The following ADGRL4 variants were observed in gnomAD, a reference collection of about 807,000 sequenced individuals.
The protein encoded by ADGRL4 is EGF, latrophilin and seven transmembrane domain containing 1.
In ADGRL4, 90 loss-of-function variants were observed where a neutral mutation model predicts 74.8. The ratio of observed to expected loss-of-function variants is 1.20; its 90% CI spans 1.02 to 1.43. ADGRL4 has a LOEUF of 1.43. ADGRL4 is among the 40% of genes most tolerant of loss of function. ADGRL4 has a pLI of 0.00. For synonymous variants in ADGRL4, 311 were observed against 279.2 expected, an observed-to-expected ratio of 1.11 and a Z score of -1.14; for missense variants, 881 against 814.3, an observed-to-expected ratio of 1.08 and a Z score of -1.00.
chr1:78,901,069 T>C (rs1648505555), intron 12 of ADGRL4, among the ~76,000 whole-genome samples: 1 of 152,142 alleles, frequency 6.6e-6, no homozygotes, highest in African/African-American at 2.4e-5. Flanking sequence ...TCACATAGGA[T>C]TGCCAGATGT....
At chr1:78,929,286 TGGGA>T (rs975565780) in intron 7 of ADGRL4, among the ~76,000 whole-genome samples, 1 of 151,128 alleles carries the variant, frequency 6.6e-6, no homozygotes, top group Admixed American at 6.6e-5. Context: ...GAGGCTGAGG[TGGGA>T]GGATCACTTG....
intron 2 of ADGRL4, among the ~76,000 whole-genome samples, chr1:79,003,636 G>C (rs367957571): frequency 2.0e-5 from 3 of 151,906 alleles, no homozygotes; most frequent in Non-Finnish European, 1.5e-5. Context: ...GTGATTATAA[G>C]CTGGTTGGCT....
At chr1:78,901,279 C>T (rs2100655026) in intron 12 of ADGRL4, among the ~76,000 whole-genome samples, 1 of 152,296 alleles carries the variant, frequency 6.6e-6, no homozygotes, top group South Asian at 2.1e-4. Flanking sequence ...AATCTGAGGA[C>T]ATTGGCTTCT....
At chr1:78,935,583 CA>C (rs1196253084) in intron 7 of ADGRL4, among the ~76,000 whole-genome samples, 4 of 151,258 alleles carry the variant, frequency 2.6e-5, no homozygotes, top group Admixed American at 1.3e-4. Flanking sequence ...CTTCCTCACA[CA>C]ATCACAAATT....
intron 2 of ADGRL4, among the ~76,000 whole-genome samples, chr1:78,978,873 T>C (rs968175646): frequency 3.3e-5 from 5 of 152,014 alleles, no homozygotes; most frequent in Admixed American, 6.6e-5. Context: ...TCTTTTTTTT[T>C]CTTCTTTGTC....
intron 10 of ADGRL4, among the ~76,000 whole-genome samples, chr1:78,919,053 A>G (rs1475349677): frequency 6.6e-6 from 1 of 151,980 alleles, no homozygotes; most frequent in Admixed American, 6.6e-5. Context: ...AAAATTGAAA[A>G]GTGTTACGAA....
At chr1:78,972,980 A>G (rs979816078) in intron 2 of ADGRL4, among the ~76,000 whole-genome samples, 3 of 152,178 alleles carry the variant, frequency 2.0e-5, no homozygotes, top group Non-Finnish European at 2.9e-5. Context: ...TCGGTTGCAA[A>G]GCACATACTT....
chr1:78,906,986 A>G (rs116830219), intron 12 of ADGRL4, among the ~76,000 whole-genome samples: 162 of 152,112 alleles, frequency 1.1e-3, no homozygotes, highest in Non-Finnish European at 2.2e-3. Context: ...TCTGGAGTAG[A>G]TACCATTATC....
intron 2 of ADGRL4, among the ~76,000 whole-genome samples, chr1:78,995,800 T>C (rs1429406056): frequency 1.3e-5 from 2 of 152,218 alleles, no homozygotes; most frequent in East Asian, 3.8e-4. Flanking sequence ...GCTTGGATGC[T>C]CTTTGTGACT....
intron 2 of ADGRL4, among the ~76,000 whole-genome samples, chr1:79,003,767 G>C (rs895192312): frequency 6.6e-6 from 1 of 151,978 alleles, no homozygotes; most frequent in Non-Finnish European, 1.5e-5. Context: ...AATTTGTAAT[G>C]ATTAGTGGAA....
chr1:78,930,858 A>G (rs79592647), intron 7 of ADGRL4, among the ~76,000 whole-genome samples: 13,667 of 151,396 alleles, frequency 0.09, 1,009 homozygotes, highest in East Asian at 0.33. Flanking sequence ...CATCATCCAT[A>G]TAAGAAGGAT....
chr1:79,001,220 A>G (rs1650836669), intron 2 of ADGRL4, among the ~76,000 whole-genome samples: 1 of 68,498 alleles, frequency 1.5e-5, no homozygotes, highest in African/African-American at 5.9e-5. Context: ...GGAGGAAGGG[A>G]GAGAGGGAGG....
intron 3 of ADGRL4, among the ~76,000 whole-genome samples, chr1:78,941,419 A>G (rs1297297896): frequency 6.6e-6 from 1 of 152,240 alleles, no homozygotes; most frequent in African/African-American, 2.4e-5. Flanking sequence ...TAAACCCATG[A>G]AGTATCATAA....
chr1:78,938,431 A>G (rs1649405988), intron 4 of ADGRL4, 152 bp from the exon 5 acceptor site: 2 of 495,694 alleles, frequency 4.0e-6, no homozygotes, highest in Non-Finnish European at 6.8e-6. Context: ...CATAACATGC[A>G]TCATTGAAAC....
intron 3 of ADGRL4, among the ~76,000 whole-genome samples, chr1:78,944,290 A>G (rs1649550802): frequency 6.6e-6 from 1 of 152,198 alleles, no homozygotes; most frequent in Non-Finnish European, 1.5e-5. Context: ...AGATGTTACA[A>G]GTTAGACTTC....
intron 7 of ADGRL4, among the ~76,000 whole-genome samples, chr1:78,934,678 A>G (rs955438488): frequency 7.2e-5 from 11 of 152,200 alleles, no homozygotes; most frequent in Admixed American, 1.3e-4. Context: ...AATACCCAGC[A>G]TCTACTAGGA....
In ADGRL4 at chr1:78,917,901, G is replaced by A; in HGVS notation, c.1611C>T (p.Gly537=). The A allele has an allele frequency of 6.2e-7, 1 of 1,612,622 alleles. No individual in the cohort carries two copies. Among genetic ancestry groups the A allele is most frequent in the Non-Finnish European group, 8.5e-7 (1 of 1,179,094 alleles). ...GFLHKNFYIF[G]YLSPAVVVGF... The stretch of plus-strand genomic sequence containing the variant: ...CAACTACCACGGCTGGGCTTAGATA[G>A]CCAAAGATATAAAAATTCTTGTGCA... Residue 537 remains glycine (G), a synonymous_variant, in exon 11 of 15, where the codon GGC becomes GGT. Coordinates refer to ENST00000370742, the MANE Select transcript of ADGRL4 (RefSeq NM_022159.4).
intron 12 of ADGRL4, among the ~76,000 whole-genome samples, chr1:78,904,818 G>A (rs1648601719): frequency 6.6e-6 from 1 of 151,996 alleles, no homozygotes; most frequent in South Asian, 2.1e-4. Context: ...GGTTGTTTGT[G>A]TGTATTAAAT....
intron 8 of ADGRL4, among the ~76,000 whole-genome samples, chr1:78,926,546 A>G (rs954267269): frequency 6.6e-6 from 1 of 152,022 alleles, no homozygotes; most frequent in African/African-American, 2.4e-5. Context: ...TTATTACACA[A>G]GTGACATTTA....
Sources: allele counts gnomAD v4.1 joint callset (sites outside exome capture counted in the v4.1 genomes callset), GRCh38; gene constraint gnomAD v4.1.1; transcripts MANE v1.5; gene names NCBI Gene and HGNC (gene_info 2026-07-23, HGNC 2026-07-21).